Variants in CACNA1C observed in about 807,000 individuals in gnomAD.
CACNA1C encodes voltage-dependent L-type calcium channel subunit alpha-1C.
In CACNA1C, 30 loss-of-function variants were observed where a neutral mutation model predicts 229.0. That is an observed-to-expected ratio of 0.13 (90% CI 0.10 to 0.18). The LOEUF (loss-of-function observed/expected upper bound fraction) is 0.18. CACNA1C is among the 10% of genes least tolerant of loss of function. The pLI, the probability that CACNA1C is intolerant of heterozygous loss-of-function variation, is 1.00. For synonymous variants in CACNA1C, 1,114 were observed against 1,132.5 expected, an observed-to-expected ratio of 0.98 and a Z score of 0.33; for missense variants, 1,658 against 2,845.0, an observed-to-expected ratio of 0.58 and a Z score of 9.49.
At chr12:2,450,947 G>A (rs943045329) in intron 4 of CACNA1C, among the ~76,000 whole-genome samples, 4 of 152,186 alleles carry the variant, frequency 2.6e-5, no homozygotes, top group Admixed American at 2.6e-4. Context: ...TCATTTGCAA[G>A]TTATTTCCTT....
intron 3 of CACNA1C, among the ~76,000 whole-genome samples, chr12:2,439,812 G>A (rs1035783275): frequency 5.3e-5 from 8 of 151,996 alleles, no homozygotes; most frequent in Non-Finnish European, 7.4e-5. Context: ...ATAAATAGGT[G>A]CATTGTTCTC....
At chr12:2,456,487 G>A (rs1483627543) in intron 4 of CACNA1C, among the ~76,000 whole-genome samples, 1 of 152,136 alleles carries the variant, frequency 6.6e-6, no homozygotes, top group East Asian at 1.9e-4. Context: ...TTTCCTCTCC[G>A]ACTTCCTCTC....
At chr12:2,168,439 C>G (rs2096338633) in intron 3 of CACNA1C, among the ~76,000 whole-genome samples, 1 of 152,148 alleles carries the variant, frequency 6.6e-6, no homozygotes. Flanking sequence ...CTACTGTAGC[C>G]AGGAGTTCCC....
rs541644544 is a variant in CACNA1C, at chr12:2,231,265, C to T, written c.477+110835C>T. Among the ~76,000 whole-genome samples the T allele has an allele frequency of 8.5e-5, 13 of 152,330 alleles. 1 individual carries two copies. The South Asian group carries it at 2.7e-3, about 32-fold the overall frequency. The stretch of plus-strand genomic sequence containing the variant: ...ATTCACCATAGTATCTAAGCCAGTG[C>T]TTTTAACATAATAGGTGCTCAGTAA... On this transcript the variant is annotated intron_variant, in intron 3 of 46. Coordinates refer to ENST00000399655, the MANE Select transcript of CACNA1C (RefSeq NM_000719.7).
At chr12:2,684,890 G>C (rs1473044284) in intron 43 of CACNA1C, among the ~76,000 whole-genome samples, 1 of 152,206 alleles carries the variant, frequency 6.6e-6, no homozygotes, top group Non-Finnish European at 1.5e-5. Flanking sequence ...GCTGTACCAT[G>C]AGCAGGCATG....
intron 3 of CACNA1C, among the ~76,000 whole-genome samples, chr12:2,130,190 TTTC>T (rs1375066282): frequency 1.1e-5 from 1 of 87,956 alleles, no homozygotes; most frequent in East Asian, 3.1e-4. Context: ...CCATGAGACC[TTTC>T]TTTTTTTTTT....
intron 5 of CACNA1C, among the ~76,000 whole-genome samples, chr12:2,458,093 T>G (rs1327048070): frequency 6.6e-6 from 1 of 152,150 alleles, no homozygotes; most frequent in Non-Finnish European, 1.5e-5. Context: ...TATCTCTACT[T>G]TCTGTGTTTT....
chr12:2,648,451 A>C, intron 30 of CACNA1C, 24 bp from the exon 31 acceptor site: 2 of 1,612,612 alleles, frequency 1.2e-6, no homozygotes, highest in South Asian at 1.1e-5. Flanking sequence ...ATTACAGCTT[A>C]TCTCTATCTG....
At chr12:2,598,920 C>G (rs1370646239) in intron 21 of CACNA1C, among the ~76,000 whole-genome samples, 1 of 152,030 alleles carries the variant, frequency 6.6e-6, no homozygotes, top group East Asian at 1.9e-4. Flanking sequence ...TCCTGGAGGT[C>G]GGGAGAGGGA....
intron 42 of CACNA1C, chr12:2,682,136 T>A (rs2097179515): frequency 1.2e-6 from 1 of 813,134 alleles, no homozygotes; most frequent in Non-Finnish European, 2.0e-6. Context: ...GCCAAGGACT[T>A]CTCAGCTATG....
intron 3 of CACNA1C, among the ~76,000 whole-genome samples, chr12:2,413,977 C>T (rs1036540051): frequency 6.6e-6 from 1 of 152,144 alleles, no homozygotes; most frequent in Non-Finnish European, 1.5e-5. Flanking sequence ...ACCCCCCACC[C>T]AAGGCTGCCC....
intron 3 of CACNA1C, among the ~76,000 whole-genome samples, chr12:2,385,227 G>A (rs2098352199): frequency 1.3e-5 from 2 of 152,174 alleles, no homozygotes; most frequent in South Asian, 2.1e-4. Context: ...ACTTCAGAGG[G>A]ATCTGCTTGA....
chr12:2,513,309 A>G (rs2099788950), intron 9 of CACNA1C, among the ~76,000 whole-genome samples: 1 of 152,258 alleles, frequency 6.6e-6, no homozygotes, highest in South Asian at 2.1e-4. Context: ...GCAGGGGCAC[A>G]GGCTTCCCGT....
rs994690281 is a variant in CACNA1C, at chr12:2,108,925, G to C, written c.50-6299G>C. 1.3e-5 allele frequency among the ~76,000 whole-genome samples: 2 copies of C among 152,238 alleles called. No individual in the cohort carries two copies. Among genetic ancestry groups the C allele is most frequent in the Non-Finnish European group, 2.9e-5 (2 of 68,040 alleles). ...AGGCCCCTTGTCACTACAGCAAGAT[G>C]ACAGACAGCAAGAGCCAAGTGGGCT... is the stretch of plus-strand genomic sequence containing the variant. On this transcript the variant is annotated intron_variant, in intron 1 of 46. Transcript: ENST00000399655. This position sits in a 1 kb window ranked among gnomAD's most constrained non-coding sequence, Gnocchi z 5.3.
chr12:2,421,787 T>C lies in CACNA1C; in HGVS notation c.478-27189T>C, dbSNP rs553317000. Among the ~76,000 whole-genome samples, 77 of 152,252 alleles carry C rather than the reference T, an allele frequency of 5.1e-4. 1 individual carries two copies. The South Asian group carries it at 0.015, about 29-fold the overall frequency. ...TTAGCTGGGTGTGGTGGTGTGCACCTGTAGTCCCAGCTACTTGGGAGTCTG... is the reference window on the plus strand; with the variant it reads ...TTAGCTGGGTGTGGTGGTGTGCACCCGTAGTCCCAGCTACTTGGGAGTCTG... On this transcript the variant is annotated intron_variant, in intron 3 of 46. Coordinates refer to ENST00000399655, the MANE Select transcript of CACNA1C (RefSeq NM_000719.7).
At chr12:1,975,842 T>A (rs574116191) in intron 1 of CACNA1C, among the ~76,000 whole-genome samples, 12 of 152,292 alleles carry the variant, frequency 7.9e-5, no homozygotes, top group African/African-American at 2.6e-4. Flanking sequence ...AATGTATATA[T>A]TCACATGAAG....
At chr12:2,484,337 T>C (rs2099688933) in intron 5 of CACNA1C, among the ~76,000 whole-genome samples, 2 of 152,108 alleles carry the variant, frequency 1.3e-5, no homozygotes, top group African/African-American at 4.8e-5. Context: ...GGAGGAACAG[T>C]AGCATATTCA....
Position 2,694,038 on chromosome 12 carries a change from C to G in CACNA1C, c.*2839C>G, listed in dbSNP as rs1056105446. The G allele has an allele frequency of 1.4e-4, 21 of 152,176 alleles. No homozygotes were observed. Among genetic ancestry groups the G allele is most frequent in the African/African-American group, 5.1e-4 (21 of 41,440 alleles). 9.4% of individuals were successfully genotyped at this position (152,176 alleles called of 1,614,324 possible). A position where few individuals can be genotyped will look rare whatever the true frequency, so the allele number is the denominator to read the frequency against. On this transcript the variant is annotated 3_prime_UTR_variant, in exon 47 of 47. Coordinates refer to ENST00000399655, the MANE Select transcript of CACNA1C (RefSeq NM_000719.7). Reference sequence around the variant, plus strand: ...CAAGTCATCCAAACTTTCTTGATTCCTTTTCACTGCCATCAAGGTCCTCTA... The same window carrying G: ...CAAGTCATCCAAACTTTCTTGATTCGTTTTCACTGCCATCAAGGTCCTCTA...
chr12:2,117,471 G>A (rs796271706), intron 2 of CACNA1C, among the ~76,000 whole-genome samples: 6 of 152,284 alleles, frequency 3.9e-5, no homozygotes, highest in African/African-American at 1.4e-4. Context: ...TCAGGGAGTG[G>A]GAGAGCTGAG....
Sources: allele counts gnomAD v4.1 joint callset (sites outside exome capture counted in the v4.1 genomes callset), GRCh38; gene constraint gnomAD v4.1.1; non-coding constraint Gnocchi (gnomAD v3.1); transcripts MANE v1.5; gene names NCBI Gene and HGNC (gene_info 2026-07-23, HGNC 2026-07-21).